AUTS2: variants seen among roughly 807,000 people sequenced by gnomAD.
The protein encoded by AUTS2 is activator of transcription and developmental regulator AUTS2.
AUTS2 carries 17 observed loss-of-function variants against 112.4 expected under a neutral mutation model. The ratio of observed to expected loss-of-function variants is 0.15; its 90% CI spans 0.10 to 0.23. The LOEUF is 0.23. AUTS2 is among the 10% of genes least tolerant of loss of function. The pLI is 1.00. For synonymous variants in AUTS2, 751 were observed against 702.7 expected (o/e 1.07, Z -1.09); for missense variants, 1,510 against 1,701.6 (o/e 0.89, Z 1.98).
intron 2 of AUTS2, among the ~76,000 whole-genome samples, chr7:69,924,493 T>C (rs756392938): frequency 6.6e-6 from 1 of 151,984 alleles, no homozygotes; most frequent in Non-Finnish European, 1.5e-5. Flanking sequence ...TAGAAGAGTT[T>C]GTGTAGAATT....
intron 1 of AUTS2, among the ~76,000 whole-genome samples, chr7:69,710,112 C>T (rs953284447): frequency 6.6e-6 from 1 of 152,128 alleles, no homozygotes; most frequent in Non-Finnish European, 1.5e-5. Flanking sequence ...TGTCAAAAAA[C>T]AAAGCAAAAT....
intron 5 of AUTS2, among the ~76,000 whole-genome samples, chr7:70,544,390 T>A (rs927003923): frequency 6.6e-6 from 1 of 152,230 alleles, no homozygotes; most frequent in Non-Finnish European, 1.5e-5. Context: ...AATCTGTTTG[T>A]TGCTGACAGT....
At chr7:69,702,668 C>T (rs1163054031) in intron 1 of AUTS2, among the ~76,000 whole-genome samples, 1 of 151,958 alleles carries the variant, frequency 6.6e-6, no homozygotes, top group Admixed American at 6.5e-5. Flanking sequence ...AACATCAGCA[C>T]CACCTGGGAT....
At chr7:70,740,323 G>GT (rs1788030901) in intron 6 of AUTS2, among the ~76,000 whole-genome samples, 1 of 152,092 alleles carries the variant, frequency 6.6e-6, no homozygotes, top group Non-Finnish European at 1.5e-5. Context: ...CTCCAATTTT[G>GT]TTTTTTTCTT....
intron 1 of AUTS2, among the ~76,000 whole-genome samples, chr7:69,669,484 G>A (rs1384609463): frequency 6.6e-6 from 1 of 151,802 alleles, no homozygotes; most frequent in Non-Finnish European, 1.5e-5. Flanking sequence ...ACCATTGTTT[G>A]GCTATATCAT....
At chr7:69,851,067 G>A (rs911299815) in intron 1 of AUTS2, among the ~76,000 whole-genome samples, 2 of 152,166 alleles carry the variant, frequency 1.3e-5, no homozygotes, top group African/African-American at 4.8e-5. Flanking sequence ...TTTTGCCTAT[G>A]AATAATCTAA....
chr7:70,406,266 CCT>C (rs1299999477), intron 4 of AUTS2, among the ~76,000 whole-genome samples: 3 of 152,136 alleles, frequency 2.0e-5, no homozygotes, highest in East Asian at 1.9e-4. Context: ...GAGGCTTCCC[CCT>C]GTTTCCCTGC....
intron 2 of AUTS2, among the ~76,000 whole-genome samples, chr7:70,070,131 T>G (rs1002959269): frequency 6.6e-6 from 1 of 152,104 alleles, no homozygotes; most frequent in African/African-American, 2.4e-5. Flanking sequence ...CGTTTCATGT[T>G]TTCTGGTATT....
chr7:70,610,188 A>G (rs1389350847), intron 5 of AUTS2, among the ~76,000 whole-genome samples: 1 of 152,050 alleles, frequency 6.6e-6, no homozygotes, highest in Non-Finnish European at 1.5e-5. Context: ...AAGTAGAGAC[A>G]GGGTTTTGCC....
chr7:70,192,237 T>C (rs2129583462), intron 4 of AUTS2, among the ~76,000 whole-genome samples: 1 of 152,310 alleles, frequency 6.6e-6, no homozygotes, highest in South Asian at 2.1e-4. Context: ...CTTCCTTTCC[T>C]TCCCTTAGAA....
At position 70,144,550 on chromosome 7, in the gene AUTS2, G is replaced by A. The variant is rs77456619; in HGVS notation, c.660+9979G>A. On this transcript the variant is annotated intron_variant, in intron 4 of 18. Coordinates refer to ENST00000342771, the MANE Select transcript of AUTS2 (RefSeq NM_015570.4). ...CATAATAGAGTCACAAGTTGTTTTC[G>A]CCTAATTGTTTCTAAATTGCCCACT... Among the ~76,000 whole-genome samples, 219 of 152,098 alleles carry A rather than the reference G, an allele frequency of 1.4e-3. 5 individuals carry two copies. The East Asian group carries it at 0.039, about 27-fold the overall frequency.
At chr7:70,054,479 G>A (rs1215197285) in intron 2 of AUTS2, among the ~76,000 whole-genome samples, 1 of 152,014 alleles carries the variant, frequency 6.6e-6, no homozygotes, top group Non-Finnish European at 1.5e-5. Context: ...AGACTTGCCT[G>A]CCTGTGTTCT....
chr7:70,238,399 C>G (rs1227908426), intron 4 of AUTS2, among the ~76,000 whole-genome samples: 1 of 152,184 alleles, frequency 6.6e-6, no homozygotes, highest in Non-Finnish European at 1.5e-5. Context: ...GCTGTCATTT[C>G]CTCTACTGCC....
At chr7:69,647,392 C>T (rs1186084241) in intron 1 of AUTS2, among the ~76,000 whole-genome samples, 1 of 151,206 alleles carries the variant, frequency 6.6e-6, no homozygotes, top group Admixed American at 6.6e-5. Context: ...GCTCTGTCAC[C>T]TAGGCTGGAG....
At chr7:69,972,972 G>GAAATTTACAGATTTAT (rs1797916545) in intron 2 of AUTS2, among the ~76,000 whole-genome samples, 1 of 151,874 alleles carries the variant, frequency 6.6e-6, no homozygotes, top group Non-Finnish European at 1.5e-5. Flanking sequence ...CCTCATCTGT[G>GAAATTTACAGATTTAT]TTTACAGAAA....
At chr7:69,935,747 G>C (rs957472096) in intron 2 of AUTS2, among the ~76,000 whole-genome samples, 2 of 152,218 alleles carry the variant, frequency 1.3e-5, no homozygotes, top group Non-Finnish European at 2.9e-5. Context: ...GTAAATTTCA[G>C]TGTGAAGTTT....
chr7:70,746,227 A>C (rs1563167998), intron 6 of AUTS2, among the ~76,000 whole-genome samples: 1 of 152,124 alleles, frequency 6.6e-6, no homozygotes, highest in Non-Finnish European at 1.5e-5. Context: ...GCTCGCTGCC[A>C]CTTCCGCCTC....
At chr7:70,498,789 G>A (rs1394162974) in intron 5 of AUTS2, among the ~76,000 whole-genome samples, 1 of 152,224 alleles carries the variant, frequency 6.6e-6, no homozygotes, top group Non-Finnish European at 1.5e-5. Flanking sequence ...AATAATTAGA[G>A]CTGCGATGAT....
At chr7:69,784,877 A>T (rs906027024) in intron 1 of AUTS2, among the ~76,000 whole-genome samples, 1 of 152,218 alleles carries the variant, frequency 6.6e-6, no homozygotes, top group Non-Finnish European at 1.5e-5. Context: ...CTATTGTGCT[A>T]CTATGTGCCA....
Sources: allele counts gnomAD v4.1 joint callset (sites outside exome capture counted in the v4.1 genomes callset), GRCh38; gene constraint gnomAD v4.1.1; transcripts MANE v1.5; gene names NCBI Gene and HGNC (gene_info 2026-07-23, HGNC 2026-07-21).